The following TGFBI variants were observed in gnomAD, a reference collection of about 807,000 sequenced individuals.
TGFBI encodes transforming growth factor beta induced, also known as transforming growth factor-beta-induced protein ig-h3.
Under a neutral mutation model 73.7 loss-of-function variants are expected in TGFBI, and 50 were observed. That is an observed-to-expected ratio of 0.68 (90% confidence interval 0.54 to 0.86). The LOEUF is 0.86. Among genes scored for constraint, TGFBI ranks in the 40% least tolerant of loss-of-function variants. TGFBI has a pLI of 0.00. For missense variants in TGFBI, 839 were observed against 877.0 expected (o/e 0.96, Z 0.55); for synonymous variants, 362 against 360.5 (o/e 1.00, Z -0.05).
chr5:136,035,365 T>G (rs1314813300), intron 2 of TGFBI, among the ~76,000 whole-genome samples: 1 of 152,186 alleles, frequency 6.6e-6, no homozygotes, highest in Non-Finnish European at 1.5e-5. Flanking sequence ...GGCTCACGCC[T>G]GTAATCCCAA....
At chr5:136,039,548 C>A (rs1340769027) in intron 2 of TGFBI, among the ~76,000 whole-genome samples, 1 of 152,220 alleles carries the variant, frequency 6.6e-6, no homozygotes, top group African/African-American at 2.4e-5. Context: ...GGTCATCAAC[C>A]TTCTCCAGGT....
chr5:136,030,070 G>T (rs1014892785), intron 1 of TGFBI, among the ~76,000 whole-genome samples: 18 of 152,296 alleles, frequency 1.2e-4, no homozygotes, highest in African/African-American at 4.3e-4. Flanking sequence ...GGCCATACCT[G>T]CGTCACAAAT....
Position 136,049,240 on chromosome 5 carries a change from C to T in TGFBI, c.772-199C>T, listed in dbSNP as rs554186385. 109 of 581,292 alleles carry T rather than the reference C, an allele frequency of 1.9e-4. No homozygotes were observed. In the African/African-American group the frequency reaches 2.0e-3, roughly 11 times the overall value. 36.0% of individuals were successfully genotyped at this position (581,292 alleles called of 1,614,324 possible). On this transcript the variant is annotated intron_variant, in intron 6 of 16. Coordinates refer to ENST00000442011, the MANE Select transcript of TGFBI (RefSeq NM_000358.3). ...GCAGGTTAAGGACATGAAAGATGGCCAGGCTGGCTGGAGCTCAGGCCCAGC... is the reference window on the plus strand; with the variant it reads ...GCAGGTTAAGGACATGAAAGATGGCTAGGCTGGCTGGAGCTCAGGCCCAGC...
intron 6 of TGFBI, chr5:136,049,195 T>C: frequency 2.2e-6 from 1 of 461,000 alleles, no homozygotes; most frequent in Non-Finnish European, 3.9e-6. Context: ...GACAAGGACT[T>C]GGGGGCAGGA....
chr5:136,052,016 G>A (rs1751544915), intron 7 of TGFBI, among the ~76,000 whole-genome samples: 1 of 152,218 alleles, frequency 6.6e-6, no homozygotes, highest in Non-Finnish European at 1.5e-5. Flanking sequence ...ATGGGACATA[G>A]AGCCTCGGTG....
At chr5:136,055,564 A>T in intron 10 of TGFBI, 116 bp from the exon 11 acceptor site, 1 of 917,014 alleles carries the variant, frequency 1.1e-6, no homozygotes, top group Non-Finnish European at 1.5e-6. Context: ...AACCCATCCC[A>T]GTGTATACTC....
intron 8 of TGFBI, 53 bp downstream of exon 8, chr5:136,053,172 C>T: frequency 1.3e-6 from 2 of 1,552,728 alleles, no homozygotes; most frequent in Non-Finnish European, 1.8e-6. Context: ...ATCTCTTCTG[C>T]CATCCTTTGT....
intron 10 of TGFBI, chr5:136,055,268 G>A (rs1247063924): frequency 4.7e-6 from 1 of 214,510 alleles, no homozygotes; most frequent in Admixed American, 5.2e-5. Context: ...AAACCCAACA[G>A]TTACCCTGGA....
intron 7 of TGFBI, 76 bp downstream of exon 7, chr5:136,049,656 T>G: frequency 6.6e-7 from 1 of 1,516,186 alleles, no homozygotes. Flanking sequence ...TGGTCCAAGA[T>G]GAACATACCA....
intron 3 of TGFBI, chr5:136,046,126 C>T: frequency 2.0e-6 from 1 of 511,390 alleles, no homozygotes. Flanking sequence ...TAGTTGAGTT[C>T]ACGTAGACAG....
intron 7 of TGFBI, 95 bp from the exon 8 acceptor site, chr5:136,052,812 A>C: frequency 8.1e-7 from 1 of 1,234,246 alleles, no homozygotes; most frequent in Non-Finnish European, 1.1e-6. Flanking sequence ...CTCATCTGAG[A>C]GAACAGGATC....
At chr5:136,049,214 G>C (rs1751488308) in intron 6 of TGFBI, 1 of 500,418 alleles carries the variant, frequency 2.0e-6, no homozygotes, top group African/African-American at 1.9e-5. Context: ...GAAGAGGAAA[G>C]GCAGGTTAAG....
At chr5:136,058,936 A>C (rs1054628518) in intron 12 of TGFBI, 154 bp from the exon 13 acceptor site, 10 of 880,760 alleles carry the variant, frequency 1.1e-5, no homozygotes, top group Non-Finnish European at 1.5e-5. Context: ...CACAACGTTG[A>C]GTATACAGTG....
chr5:136,031,053 C>A (rs1025806211), intron 1 of TGFBI, among the ~76,000 whole-genome samples: 3 of 152,342 alleles, frequency 2.0e-5, no homozygotes, highest in African/African-American at 7.2e-5. Flanking sequence ...CATACCCCTG[C>A]AGGCAAAGCC....
chr5:136,044,117 C>T lies in TGFBI; in HGVS notation c.293C>T (p.Pro98Leu), dbSNP rs776013046. 2.5e-6 allele frequency: 4 copies of T among 1,612,542 alleles called. No individual in the cohort carries two copies. The highest frequency in any genetic ancestry group is 3.3e-4 in the Middle Eastern group (2 of 6,052). The change falls in exon 3 of 17, where the codon CCA becomes CTA. Residue 98 changes from proline (P) to leucine (L), a missense_variant. Transcript: ENST00000442011. ...YEKVPGEKGC[P>L]AALPLSNLYE... The stretch of plus-strand genomic sequence containing the variant: ...AAGGTCCCTGGGGAGAAGGGCTGTC[C>T]AGCAGGTGAATGAATCCTCCGGGCC...
chr5:136,053,042 C>G lies in TGFBI; in HGVS notation c.1049C>G (p.Ala350Gly). The change falls in exon 8 of 17, where the codon GCG becomes GGG. Residue 350 changes from alanine to glycine, a missense_variant. Physicochemically the swap from Ala to Gly is moderately conservative, Grantham distance 60. Transcript: ENST00000442011. ...SGDMLTINGK[A>G]IISNKDILAT... ...GACATGCTCACTATCAACGGGAAGG[C>G]GATCATCTCCAATAAAGACATCCTA... 6.2e-7 allele frequency: 1 copy of G among 1,614,048 alleles called. No individual in the cohort carries two copies. The highest frequency in any genetic ancestry group is 8.5e-7 in the Non-Finnish European group (1 of 1,179,912).
At chr5:136,033,492 A>G (rs1751158739) in intron 1 of TGFBI, among the ~76,000 whole-genome samples, 1 of 152,216 alleles carries the variant, frequency 6.6e-6, no homozygotes, top group Non-Finnish European at 1.5e-5. Flanking sequence ...TCAATTGCCC[A>G]TGTCAAAGAA....
At chr5:136,046,528 T>C in intron 4 of TGFBI, 33 bp downstream of exon 4, 1 of 1,568,642 alleles carries the variant, frequency 6.4e-7, no homozygotes, top group Non-Finnish European at 8.7e-7. Flanking sequence ...GGGGGACTCT[T>C]ATGGGGAACT....
chr5:136,050,202 G>C (rs1192063890), intron 7 of TGFBI, among the ~76,000 whole-genome samples: 4 of 151,998 alleles, frequency 2.6e-5, no homozygotes, highest in African/African-American at 9.7e-5. Flanking sequence ...GCATGGTGGT[G>C]GGCACCTGTA....
Sources: allele counts gnomAD v4.1 joint callset (sites outside exome capture counted in the v4.1 genomes callset), GRCh38; gene constraint gnomAD v4.1.1; transcripts MANE v1.5; gene names NCBI Gene and HGNC (gene_info 2026-07-23, HGNC 2026-07-21).